KLHL7: variants seen among roughly 807,000 people sequenced by gnomAD.
The protein encoded by KLHL7 is kelch-like protein 7.
A neutral mutation model predicts 67.4 loss-of-function variants in KLHL7; 44 were observed. The ratio of observed to expected loss-of-function variants is 0.65; its 90% confidence interval spans 0.51 to 0.84. KLHL7 has a LOEUF of 0.84. KLHL7 is among the 40% of genes least tolerant of loss of function. KLHL7 has a pLI of 0.00. For missense variants in KLHL7, 362 were observed against 718.1 expected, an observed-to-expected ratio of 0.50 and a Z score of 5.67; for synonymous variants, 252 against 243.3, an observed-to-expected ratio of 1.04 and a Z score of -0.33.
intron 4 of KLHL7, among the ~76,000 whole-genome samples, chr7:23,127,504 G>C (rs1783618156): frequency 6.6e-6 from 1 of 152,064 alleles, no homozygotes; most frequent in Non-Finnish European, 1.5e-5. Context: ...CCTTGAGCAT[G>C]GCTCTCAATG....
At chr7:23,151,051 G>A (rs1374173961) in intron 6 of KLHL7, among the ~76,000 whole-genome samples, 2 of 151,096 alleles carry the variant, frequency 1.3e-5, no homozygotes, top group African/African-American at 2.4e-5. Context: ...TTTTTGCCAT[G>A]CACTATTTTA....
intron 6 of KLHL7, among the ~76,000 whole-genome samples, chr7:23,144,654 G>A (rs1255907642): frequency 6.6e-6 from 1 of 152,078 alleles, no homozygotes; most frequent in South Asian, 2.1e-4. Context: ...CTCCTCTCCT[G>A]TTAGATCGGT....
At chr7:23,112,726 G>A (rs1470784372) in intron 1 of KLHL7, among the ~76,000 whole-genome samples, 1 of 152,200 alleles carries the variant, frequency 6.6e-6, no homozygotes, top group African/African-American at 2.4e-5. Context: ...TTTGTTGACT[G>A]TAGTAAGACT....
Position 23,124,779 on chromosome 7 carries a change from T to A in KLHL7, c.315T>A (p.Ala105=). 6.4e-7 allele frequency: 1 copy of A among 1,569,518 alleles called. No individual in the cohort carries two copies. The highest frequency in any genetic ancestry group is 8.8e-7 in the Non-Finnish European group (1 of 1,139,440). ...IEQLVEFAYT[A]RISVNSNNVQ... Reference sequence around the variant, plus strand: ...AACTGGTGGAATTTGCTTATACTGCTAGGTGAGTTAAGTATTATTTTTATT... The same window carrying A: ...AACTGGTGGAATTTGCTTATACTGCAAGGTGAGTTAAGTATTATTTTTATT... The change falls in exon 3 of 11, where the codon GCT becomes GCA. Residue 105 remains alanine, a splice_region_variant and synonymous_variant. Coordinates refer to ENST00000339077, the MANE Select transcript of KLHL7 (RefSeq NM_001031710.3).
intron 4 of KLHL7, among the ~76,000 whole-genome samples, chr7:23,140,390 T>G (rs1000478524): frequency 6.6e-6 from 1 of 151,804 alleles, no homozygotes; most frequent in Non-Finnish European, 1.5e-5. Context: ...CCGTCTCTAC[T>G]AAAAAATACA....
At chr7:23,136,682 A>G (rs758812864) in intron 4 of KLHL7, among the ~76,000 whole-genome samples, 2 of 152,194 alleles carry the variant, frequency 1.3e-5, no homozygotes, top group Non-Finnish European at 2.9e-5. Flanking sequence ...CTAAAAATTA[A>G]CTATGGAAGG....
chr7:23,113,378 T>C (rs1004622845), intron 1 of KLHL7, among the ~76,000 whole-genome samples: 2 of 152,200 alleles, frequency 1.3e-5, no homozygotes, highest in Non-Finnish European at 2.9e-5. Context: ...CAGGTCACAG[T>C]CTTAACTTTC....
chr7:23,172,220 G>A, intron 9 of KLHL7: 1 of 453,500 alleles, frequency 2.2e-6, no homozygotes, highest in Non-Finnish European at 4.4e-6. Flanking sequence ...TTAAATCTCA[G>A]AAAAAAATAA....
chr7:23,129,575 G>A (rs974795182), intron 4 of KLHL7: 1 of 212,208 alleles, frequency 4.7e-6, no homozygotes, highest in African/African-American at 2.4e-5. Context: ...TAGTGGCCGA[G>A]TCGACTACAT....
chr7:23,140,449 C>T (rs963529746), intron 4 of KLHL7, among the ~76,000 whole-genome samples: 1 of 151,972 alleles, frequency 6.6e-6, no homozygotes, highest in Non-Finnish European at 1.5e-5. Context: ...CCCAACTACT[C>T]GGGAGGCTGA....
Position 23,148,040 on chromosome 7 carries a change from C to T in KLHL7, c.793+4015C>T, listed in dbSNP as rs1054407758. Among the ~76,000 whole-genome samples, 7 of 152,324 alleles carry T rather than the reference C, an allele frequency of 4.6e-5. No homozygotes were observed. In the South Asian group the frequency reaches 6.2e-4, roughly 14 times the overall value. Reference sequence around the variant, plus strand: ...AAGACTTTATCTCCTCTGCCTCATACAGCCAATAAAAACAATTTCTAGGTT... The same window carrying T: ...AAGACTTTATCTCCTCTGCCTCATATAGCCAATAAAAACAATTTCTAGGTT... On this transcript the variant is annotated intron_variant, in intron 6 of 10. Transcript: ENST00000339077.
intron 5 of KLHL7, 85 bp from the exon 6 acceptor site, chr7:23,143,766 T>A: frequency 7.4e-7 from 1 of 1,350,166 alleles, no homozygotes; most frequent in Non-Finnish European, 1.1e-6. Flanking sequence ...TATGAGGTTC[T>A]CTCCCTTCAA....
At position 23,174,748 on chromosome 7, in the gene KLHL7, G is replaced by A. The variant is rs1421410382; in HGVS notation, c.*450G>A. Reference sequence around the variant, plus strand: ...TAAGTCAAGATGGGCAACTCAGATGGAGCAGCTTAGTCTCACAGTTTGCTT... The same window carrying A: ...TAAGTCAAGATGGGCAACTCAGATGAAGCAGCTTAGTCTCACAGTTTGCTT... On this transcript the variant is annotated 3_prime_UTR_variant, in exon 11 of 11. Coordinates refer to ENST00000339077, the MANE Select transcript of KLHL7 (RefSeq NM_001031710.3). 2.2e-6 allele frequency: 1 copy of A among 454,738 alleles called. No homozygotes were observed. Among genetic ancestry groups the A allele is most frequent in the African/African-American group, 2.0e-5 (1 of 50,016 alleles). 28.2% of individuals were successfully genotyped at this position (454,738 alleles called of 1,614,324 possible). A position where few individuals can be genotyped will look rare whatever the true frequency, so the allele number is the denominator to read the frequency against.
intron 9 of KLHL7, among the ~76,000 whole-genome samples, chr7:23,171,771 G>T (rs1785169934): frequency 6.6e-6 from 1 of 152,166 alleles, no homozygotes; most frequent in African/African-American, 2.4e-5. Flanking sequence ...GTGCAGTGGC[G>T]TGATCTCAGC....
At chr7:23,163,106 C>T (rs1286443467) in intron 7 of KLHL7, among the ~76,000 whole-genome samples, 1 of 152,028 alleles carries the variant, frequency 6.6e-6, no homozygotes, top group African/African-American at 2.4e-5. Context: ...TCACACTGAT[C>T]TTTTGCCTTG....
At chr7:23,165,088 T>C (rs1784961892) in intron 7 of KLHL7, among the ~76,000 whole-genome samples, 1 of 152,198 alleles carries the variant, frequency 6.6e-6, no homozygotes, top group Non-Finnish European at 1.5e-5. Flanking sequence ...TTTCTAATCA[T>C]TGGGGTGAAA....
At chr7:23,140,734 G>T (rs1409566745) in intron 4 of KLHL7, 35 bp from the exon 5 acceptor site, 2 of 1,590,800 alleles carry the variant, frequency 1.3e-6, no homozygotes, top group Admixed American at 3.3e-5. Flanking sequence ...TTCTAAAAAT[G>T]ATTTTCTATT....
chr7:23,105,820 T>A lies in KLHL7; in HGVS notation c.-207T>A, dbSNP rs951811481. ...CGGGGACGCAGCCCAGTTGGTAGCGTCGCTCCCTGAGCGTTTCTAAGGGGG... is the reference window on the plus strand; with the variant it reads ...CGGGGACGCAGCCCAGTTGGTAGCGACGCTCCCTGAGCGTTTCTAAGGGGG... On this transcript the variant is annotated 5_prime_UTR_variant, in exon 1 of 11. Coordinates refer to ENST00000339077, the MANE Select transcript of KLHL7 (RefSeq NM_001031710.3). 21 of 679,396 alleles carry A rather than the reference T, an allele frequency of 3.1e-5. No homozygotes were observed. The highest frequency in any genetic ancestry group is 4.7e-5 in the Non-Finnish European group (19 of 403,284). The allele number at this position is 679,396 out of a possible 1,614,324, so 42.1% of individuals were successfully genotyped here. A position where few individuals can be genotyped will look rare whatever the true frequency, so the allele number is the denominator to read the frequency against.
intron 4 of KLHL7, 75 bp from the exon 5 acceptor site, chr7:23,140,694 C>T (rs1562571635): frequency 1.6e-6 from 2 of 1,235,086 alleles, no homozygotes; most frequent in South Asian, 2.5e-5. Context: ...TTCCTGAAGT[C>T]ATGCTTCATC....
Sources: gnomAD v4.1 joint callset for allele counts (sites outside exome capture counted in the v4.1 genomes callset) on GRCh38, gnomAD v4.1.1 for gene constraint, MANE v1.5 for transcripts, NCBI Gene and HGNC (gene_info 2026-07-23, HGNC 2026-07-21) for gene names.